ZCCHC24: variants seen among roughly 807,000 people sequenced by gnomAD.
ZCCHC24 encodes zinc finger CCHC domain-containing protein 24.
Under a neutral mutation model 26.2 loss-of-function variants are expected in ZCCHC24, and 10 were observed. That is an observed-to-expected ratio of 0.38 (90% CI 0.24 to 0.65). ZCCHC24 has a LOEUF of 0.65. Ranked by LOEUF, ZCCHC24 falls within the 30% of genes least tolerant of loss-of-function variation. The pLI is 0.54. For synonymous variants in ZCCHC24, 144 were observed against 147.1 expected (o/e 0.98, Z 0.15); for missense variants, 243 against 329.1 (o/e 0.74, Z 2.03).
At chr10:79,403,873 G>C (rs189963008) in intron 2 of ZCCHC24, among the ~76,000 whole-genome samples, 5 of 152,032 alleles carry the variant, frequency 3.3e-5, no homozygotes, top group East Asian at 1.9e-4. Context: ...CCCTGGGGAG[G>C]GGGGCATGGA....
chr10:79,424,346 C>T (rs900518021), intron 2 of ZCCHC24, among the ~76,000 whole-genome samples: 2 of 152,198 alleles, frequency 1.3e-5, no homozygotes, highest in African/African-American at 2.4e-5. Context: ...GAGTGGAAGG[C>T]GAGCCTACCT....
chr10:79,410,339 C>T (rs1228920564), intron 2 of ZCCHC24, among the ~76,000 whole-genome samples: 3 of 152,218 alleles, frequency 2.0e-5, no homozygotes, highest in African/African-American at 7.2e-5. Flanking sequence ...TATGGAATGT[C>T]CCATGCCTGG....
chr10:79,430,590 G>A (rs190457719), intron 2 of ZCCHC24, among the ~76,000 whole-genome samples: 1 of 152,140 alleles, frequency 6.6e-6, no homozygotes, highest in East Asian at 1.9e-4. Flanking sequence ...GTGCTGGAAG[G>A]TGCCAGGGAC....
intron 2 of ZCCHC24, among the ~76,000 whole-genome samples, chr10:79,409,682 T>C (rs1856765211): frequency 6.6e-6 from 1 of 152,212 alleles, no homozygotes; most frequent in Admixed American, 6.5e-5. Flanking sequence ...TGGGCAAGCA[T>C]GCTGGTCGCT....
chr10:79,424,497 C>A (rs1856999450), intron 2 of ZCCHC24, among the ~76,000 whole-genome samples: 1 of 152,220 alleles, frequency 6.6e-6, no homozygotes, highest in Non-Finnish European at 1.5e-5. Context: ...CTTTTCCATT[C>A]CAGAATCCAT....
intron 2 of ZCCHC24, 21 bp downstream of exon 2, chr10:79,432,537 C>G: frequency 6.3e-7 from 1 of 1,588,052 alleles, no homozygotes. Flanking sequence ...AAGAGCACCC[C>G]CTGGGCCAGG....
chr10:79,401,389 G>A lies in ZCCHC24; in HGVS notation c.448-6949C>T, dbSNP rs572701193. ...GACAACCATCCATGAGCTAAGTACGGTTAGTCCCAGGTTTCAGATGGGAAC... is the reference window on the plus strand; with the variant it reads ...GACAACCATCCATGAGCTAAGTACGATTAGTCCCAGGTTTCAGATGGGAAC... On this transcript the variant is annotated intron_variant, in intron 2 of 3. Transcript: ENST00000372336. Among the ~76,000 whole-genome samples, 185 of 152,344 alleles carry A rather than the reference G, an allele frequency of 1.2e-3. 1 individual carries two copies. The highest frequency in any genetic ancestry group is 2.1e-3 in the Non-Finnish European group (141 of 68,036).
At chr10:79,389,395 TAGAC>T (rs1416498861) in intron 3 of ZCCHC24, among the ~76,000 whole-genome samples, 3 of 152,190 alleles carry the variant, frequency 2.0e-5, no homozygotes, top group African/African-American at 7.2e-5. Flanking sequence ...CAAAGTCAGA[TAGAC>T]AGAGCTTTGC....
intron 2 of ZCCHC24, among the ~76,000 whole-genome samples, chr10:79,426,676 C>G (rs148637873): frequency 6.6e-6 from 1 of 151,550 alleles, no homozygotes; most frequent in African/African-American, 2.4e-5. Context: ...AAATAACTCA[C>G]AAAACATAGT....
At chr10:79,443,990 G>T in intron 1 of ZCCHC24, 1 of 1,319,662 alleles carries the variant, frequency 7.6e-7, no homozygotes, top group Non-Finnish European at 1.0e-6. Context: ...AATAATGGCA[G>T]AGTTGAACTC....
rs1370502962 is a variant in ZCCHC24 at position 79,386,071 on chromosome 10, T to G, written c.*274A>C. On this transcript the variant is annotated 3_prime_UTR_variant, in exon 4 of 4. Coordinates refer to ENST00000372336, the MANE Select transcript of ZCCHC24 (RefSeq NM_153367.4). ...ACACCCAGGGCTCCTGGACATGGGC[T>G]TTTGCTTGCCTTTGTCCCCTCCACT... 1.8e-6 allele frequency: 1 copy of G among 548,026 alleles called. No homozygotes were observed. The highest frequency in any genetic ancestry group is 1.9e-5 in the African/African-American group (1 of 53,336). The allele number at this position is 548,026 out of a possible 1,614,324, so 33.9% of individuals were successfully genotyped here.
chr10:79,442,731 G>C (rs935843749), intron 1 of ZCCHC24, among the ~76,000 whole-genome samples: 1 of 152,236 alleles, frequency 6.6e-6, no homozygotes, highest in South Asian at 2.1e-4. Context: ...GCCCCTTGGT[G>C]GCATTGGGGT....
At chr10:79,412,462 G>C (rs1196074959) in intron 2 of ZCCHC24, among the ~76,000 whole-genome samples, 1 of 152,244 alleles carries the variant, frequency 6.6e-6, no homozygotes, top group Non-Finnish European at 1.5e-5. Flanking sequence ...GCAGAGCCCT[G>C]TGTGTTCCAC....
chr10:79,440,692 G>C (rs1275813445), intron 1 of ZCCHC24, among the ~76,000 whole-genome samples: 1 of 152,220 alleles, frequency 6.6e-6, no homozygotes, highest in Non-Finnish European at 1.5e-5. Flanking sequence ...TGAGGAAAGA[G>C]AGGCCATGAA....
At chr10:79,393,580 GTAAC>G (rs1452281914) in intron 3 of ZCCHC24, among the ~76,000 whole-genome samples, 2 of 152,244 alleles carry the variant, frequency 1.3e-5, no homozygotes, top group Non-Finnish European at 2.9e-5. Flanking sequence ...CACAACCAGA[GTAAC>G]TGACTTAAAA....
chr10:79,414,749 C>A (rs1436665501), intron 2 of ZCCHC24, among the ~76,000 whole-genome samples: 4 of 152,160 alleles, frequency 2.6e-5, no homozygotes, highest in African/African-American at 9.7e-5. Flanking sequence ...AGGAATATGC[C>A]CTTGGCCAGG....
chr10:79,429,975 C>T (rs1054999849), intron 2 of ZCCHC24, among the ~76,000 whole-genome samples: 2 of 152,068 alleles, frequency 1.3e-5, no homozygotes, highest in Non-Finnish European at 2.9e-5. Context: ...AGCACCTGCC[C>T]CTGGAGCTAT....
In ZCCHC24 at chr10:79,441,348, T is replaced by C. The variant is rs932520840; in HGVS notation, c.246+3847A>G. Among the ~76,000 whole-genome samples the C allele has an allele frequency of 5.9e-5, 9 of 152,226 alleles. No homozygotes were observed. In the South Asian group the frequency reaches 1.0e-3, roughly 18 times the overall value. ...ACTCCTCTAAGGGTTTTAATGGCCA[T>C]GTCCATACAGAAGGGCTGGGCCCAG... On this transcript the variant is annotated intron_variant, in intron 1 of 3. Transcript: ENST00000372336.
chr10:79,444,608 G>T (rs566907188), intron 1 of ZCCHC24, among the ~76,000 whole-genome samples: 41 of 152,328 alleles, frequency 2.7e-4, no homozygotes, highest in Admixed American at 6.5e-4. Flanking sequence ...GCTGGGGGAG[G>T]GCGAGCAGCT....
Sources: allele counts gnomAD v4.1 joint callset (sites outside exome capture counted in the v4.1 genomes callset), GRCh38; gene constraint gnomAD v4.1.1; transcripts MANE v1.5; gene names NCBI Gene and HGNC (gene_info 2026-07-23, HGNC 2026-07-21).